The following STK24 variants were observed in gnomAD, a reference collection of about 807,000 sequenced individuals.
The protein encoded by STK24 is serine/threonine kinase 24, also known as serine/threonine-protein kinase 24.
In STK24, 21 loss-of-function variants were observed where a neutral mutation model predicts 55.6. The ratio of observed to expected loss-of-function variants is 0.38; its 90% confidence interval spans 0.27 to 0.54. The LOEUF (loss-of-function observed/expected upper bound fraction) is 0.54, where lower values mean the gene tolerates loss of function less well. Ranked by LOEUF, STK24 falls within the 20% of genes least tolerant of loss-of-function variation. The pLI, the probability that STK24 is intolerant of heterozygous loss-of-function variation, is 0.79. For missense variants in STK24, 383 were observed against 538.4 expected, an observed-to-expected ratio of 0.71 and a Z score of 2.86; for synonymous variants, 200 against 215.2, an observed-to-expected ratio of 0.93 and a Z score of 0.62.
Position 98,474,973 on chromosome 13 carries a change from T to G in STK24, c.445A>C (p.Asn149His). The change falls in exon 5 of 11, where the codon AAC (asparagine) becomes CAC (histidine). Residue 149 changes from asparagine (N) to histidine (H), a missense_variant. Physicochemically the swap from Asn to His is moderately conservative, Grantham distance 68. Transcript: ENST00000539966. The stretch of plus-strand genomic sequence containing the variant: ...TCGCCATGCTCAGACAGCAGGACGT[T>G]GGCCGCTGCAAAAGAAAGCCAAGGC... ...KKIHRDIKAA[N>H]VLLSEHGEVK... is the part of the protein sequence containing the mutation. 1 of 1,610,528 alleles carries G rather than the reference T, an allele frequency of 6.2e-7. No individual in the cohort carries two copies. Among genetic ancestry groups the G allele is most frequent in the Non-Finnish European group, 8.5e-7 (1 of 1,178,338 alleles).
chr13:98,471,497 G>A (rs1475319232), intron 5 of STK24, among the ~76,000 whole-genome samples: 1 of 152,114 alleles, frequency 6.6e-6, no homozygotes, highest in Non-Finnish European at 1.5e-5. Context: ...CAAAGGATGG[G>A]GACTCCTTCA....
chr13:98,501,851 C>G (rs1229122959), intron 2 of STK24, among the ~76,000 whole-genome samples: 1 of 152,150 alleles, frequency 6.6e-6, no homozygotes, highest in African/African-American at 2.4e-5. Flanking sequence ...CCCTGTTGCC[C>G]TATCAGTTTG....
intron 1 of STK24, among the ~76,000 whole-genome samples, chr13:98,568,876 A>G (rs561813276): frequency 6.6e-6 from 1 of 152,274 alleles, no homozygotes; most frequent in African/African-American, 2.4e-5. Context: ...CTCGAAAAAC[A>G]AAAAAGATAA....
intron 9 of STK24, among the ~76,000 whole-genome samples, chr13:98,459,634 C>T (rs1826401553): frequency 6.6e-6 from 1 of 152,234 alleles, no homozygotes; most frequent in Non-Finnish European, 1.5e-5. Context: ...CTTCAAGGAC[C>T]AGGACCCCTA....
rs1461905793 is a variant in STK24 at position 98,446,637 on chromosome 13, A to G, written c.*6536T>C. The G allele has an allele frequency of 1.2e-5, 20 of 1,611,422 alleles. No individual in the cohort carries two copies. The highest frequency in any genetic ancestry group is 1.7e-5 in the Non-Finnish European group (20 of 1,177,926). On this transcript the variant is annotated 3_prime_UTR_variant, in exon 11 of 11. Coordinates refer to ENST00000539966, the MANE Select transcript of STK24 (RefSeq NM_001032296.4). ...CCAGCAGCAGAAGCTGACCCCGAAA[A>G]GCCACTTTGCTTTGTTTCCCCTTTC...
chr13:98,516,482 C>G (rs1211341265), intron 2 of STK24, among the ~76,000 whole-genome samples: 4 of 152,242 alleles, frequency 2.6e-5, no homozygotes, highest in Non-Finnish European at 5.9e-5. Context: ...GTGCACACAG[C>G]CTGTGTCCTC....
intron 1 of STK24, among the ~76,000 whole-genome samples, chr13:98,552,561 G>A (rs367609122): frequency 3.9e-5 from 6 of 152,162 alleles, no homozygotes; most frequent in Non-Finnish European, 5.9e-5. Flanking sequence ...ACCTGGCCTC[G>A]AAGTGAATTG....
intron 1 of STK24, among the ~76,000 whole-genome samples, chr13:98,531,828 G>A (rs1023898983): frequency 2.6e-5 from 4 of 152,158 alleles, no homozygotes; most frequent in African/African-American, 9.7e-5. Flanking sequence ...CCTCTGCTCT[G>A]TTAGAGGTGA....
At chr13:98,488,160 GACACACAC>G (rs71213678) in intron 2 of STK24, among the ~76,000 whole-genome samples, 2,200 of 130,384 alleles carry the variant, frequency 0.017, 27 homozygotes, top group South Asian at 0.066. Flanking sequence ...AAGAGATGAA[GACACACAC>G]ACACACACAC....
At chr13:98,513,456 T>C (rs1225768577) in intron 2 of STK24, among the ~76,000 whole-genome samples, 2 of 152,070 alleles carry the variant, frequency 1.3e-5, no homozygotes, top group Non-Finnish European at 2.9e-5. Flanking sequence ...CACCCCCAAG[T>C]AGTGGCAGCC....
chr13:98,500,291 A>G (rs991528440), intron 2 of STK24, among the ~76,000 whole-genome samples: 5 of 152,188 alleles, frequency 3.3e-5, no homozygotes, highest in Non-Finnish European at 7.4e-5. Context: ...TGCACTTAGC[A>G]TCTCTGGACT....
At chr13:98,542,534 ACT>A (rs200429249) in intron 1 of STK24, among the ~76,000 whole-genome samples, 266 of 151,860 alleles carry the variant, frequency 1.8e-3, no homozygotes, top group African/African-American at 5.8e-3. Flanking sequence ...CTCACAGAGC[ACT>A]CTGTGTTTTT....
rs1450988786 is a variant in STK24 at position 98,447,825 on chromosome 13, A to G, written c.*5348T>C. 1.1e-5 allele frequency: 2 copies of G among 180,220 alleles called. No homozygotes were observed. Among genetic ancestry groups the G allele is most frequent in the Admixed American group, 5.9e-5 (1 of 17,050 alleles). 11.2% of individuals were successfully genotyped at this position (180,220 alleles called of 1,614,324 possible). On this transcript the variant is annotated 3_prime_UTR_variant, in exon 11 of 11. Transcript: ENST00000539966. The stretch of plus-strand genomic sequence containing the variant: ...GCACCACTGAACTCCAGTATGAGTG[A>G]CAGAGCCAGACCCTGTCTCAAAAAA...
rs118079470 is a variant in STK24, at chr13:98,558,348, A to T, written c.42+18397T>A. Among the ~76,000 whole-genome samples the T allele has an allele frequency of 7.0e-3, 1,069 of 152,320 alleles. 6 individuals carry two copies. Among genetic ancestry groups the T allele is most frequent in the Non-Finnish European group, 0.01 (699 of 68,016 alleles). On this transcript the variant is annotated intron_variant, in intron 1 of 10. Transcript: ENST00000539966. Reference sequence around the variant, plus strand: ...CAGCATCCAGCTGAGCAATTTTGACAGGAGGAATCCTGTTTTCATGGGAAC... The same window carrying T: ...CAGCATCCAGCTGAGCAATTTTGACTGGAGGAATCCTGTTTTCATGGGAAC...
chr13:98,554,303 T>C (rs972170529), intron 1 of STK24, among the ~76,000 whole-genome samples: 1 of 152,192 alleles, frequency 6.6e-6, no homozygotes, highest in African/African-American at 2.4e-5. Flanking sequence ...TAATACCTAC[T>C]GCTCTTTACA....
chr13:98,560,213 A>T (rs1443209307), intron 1 of STK24, among the ~76,000 whole-genome samples: 1 of 152,232 alleles, frequency 6.6e-6, no homozygotes, highest in Non-Finnish European at 1.5e-5. Flanking sequence ...CTCGTGGGTC[A>T]CTGGGCACAG....
intron 1 of STK24, among the ~76,000 whole-genome samples, chr13:98,557,434 C>G (rs1031680724): frequency 6.6e-6 from 1 of 152,236 alleles, no homozygotes. Flanking sequence ...GGGCACCTCC[C>G]TCCCTCCATC....
At chr13:98,461,422 G>T (rs140908720) in intron 8 of STK24, among the ~76,000 whole-genome samples, 49 of 152,208 alleles carry the variant, frequency 3.2e-4, no homozygotes, top group Admixed American at 6.5e-4. Flanking sequence ...ATTATGATAT[G>T]TATGTAAGTA....
intron 1 of STK24, among the ~76,000 whole-genome samples, chr13:98,562,676 G>A (rs1456379959): frequency 2.0e-5 from 3 of 152,176 alleles, no homozygotes; most frequent in Non-Finnish European, 4.4e-5. Flanking sequence ...AGCACTTTGG[G>A]AGGCCAAGGT....
Sources: gnomAD v4.1 joint callset for allele counts (sites outside exome capture counted in the v4.1 genomes callset) on GRCh38, gnomAD v4.1.1 for gene constraint, MANE v1.5 for transcripts, NCBI Gene and HGNC (gene_info 2026-07-23, HGNC 2026-07-21) for gene names.